The following IL1RAPL1 variants were observed in gnomAD, a reference collection of about 807,000 sequenced individuals.
The protein encoded by IL1RAPL1 is interleukin-1 receptor accessory protein-like 1.
A neutral mutation model predicts 48.4 loss-of-function variants in IL1RAPL1; 3 were observed. That is an observed-to-expected ratio of 0.06 (90% CI 0.03 to 0.16). IL1RAPL1 has a LOEUF of 0.16. Ranked by LOEUF, IL1RAPL1 falls within the 10% of genes least tolerant of loss-of-function variation. The pLI is 1.00. For synonymous variants in IL1RAPL1, 185 were observed against 187.7 expected, an observed-to-expected ratio of 0.99 and a Z score of 0.12; for missense variants, 349 against 530.6, an observed-to-expected ratio of 0.66 and a Z score of 3.36.
At chrX:28,948,691 C>T (rs996099136) in intron 2 of IL1RAPL1, among the ~76,000 whole-genome samples, 15 of 111,446 alleles carry the variant, frequency 1.3e-4, no homozygotes, top group African/African-American at 4.2e-4. Flanking sequence ...GCATTCAACA[C>T]ATGTCTAAAT....
intron 6 of IL1RAPL1, among the ~76,000 whole-genome samples, chrX:29,737,484 C>A (rs1014627493): frequency 1.2e-4 from 13 of 111,903 alleles, no homozygotes. Context: ...GAAGCTAAGT[C>A]TTGCACTAAT....
chrX:29,304,042 G>A (rs759402712), intron 3 of IL1RAPL1, among the ~76,000 whole-genome samples: 2 of 111,603 alleles, frequency 1.8e-5, no homozygotes, highest in Non-Finnish European at 3.8e-5. Context: ...CTCCTCCACC[G>A]GCACACACTT....
intron 5 of IL1RAPL1, among the ~76,000 whole-genome samples, chrX:29,573,330 G>A (rs1441974795): frequency 8.9e-6 from 1 of 112,497 alleles, no homozygotes; most frequent in Non-Finnish European, 1.9e-5. Context: ...AAGGAAAGTA[G>A]GAATACAATT....
Position 29,451,265 on chromosome X carries a change from G to A in IL1RAPL1, c.703+51957G>A, listed in dbSNP as rs1342551320. ...TGCAGAGTGCAGTGGTGCGATCTTGGCTCACTGCAACCTCCACTTCCCAGG... is the reference window on the plus strand; with the variant it reads ...TGCAGAGTGCAGTGGTGCGATCTTGACTCACTGCAACCTCCACTTCCCAGG... On this transcript the variant is annotated intron_variant, in intron 5 of 10. Transcript: ENST00000378993. Among the ~76,000 whole-genome samples the A allele has an allele frequency of 3.7e-5, 4 of 108,364 alleles. No homozygotes were observed. The Admixed American group carries it at 4.0e-4, about 11-fold the overall frequency. The allele number at this position is 108,364 out of a possible 115,157, so 94.1% of individuals were successfully genotyped here.
intron 2 of IL1RAPL1, among the ~76,000 whole-genome samples, chrX:28,934,030 C>T (rs1402499827): frequency 9.0e-6 from 1 of 111,101 alleles, no homozygotes; most frequent in Non-Finnish European, 1.9e-5. Flanking sequence ...AGCTTCTTTA[C>T]TCCATCCTTT....
At chrX:28,683,130 T>A (rs1454340173) in intron 1 of IL1RAPL1, among the ~76,000 whole-genome samples, 6 of 111,771 alleles carry the variant, frequency 5.4e-5, no homozygotes, top group African/African-American at 2.0e-4. Context: ...TCATATTGGA[T>A]TCCTATATAA....
intron 1 of IL1RAPL1, among the ~76,000 whole-genome samples, chrX:28,658,447 C>T (rs1430465986): frequency 9.0e-6 from 1 of 111,541 alleles, no homozygotes; most frequent in African/African-American, 3.3e-5. Flanking sequence ...AAACTCCTGA[C>T]CTCAAATGAT....
intron 5 of IL1RAPL1, among the ~76,000 whole-genome samples, chrX:29,437,219 C>A (rs944588328): frequency 9.1e-6 from 1 of 110,462 alleles, no homozygotes; most frequent in Non-Finnish European, 1.9e-5. Flanking sequence ...TAGATTCAAT[C>A]ATTTGGGTAA....
chrX:28,880,147 C>G (rs1187448655), intron 2 of IL1RAPL1, among the ~76,000 whole-genome samples: 1 of 112,266 alleles, frequency 8.9e-6, no homozygotes, highest in Non-Finnish European at 1.9e-5. Context: ...GTATTTTTGT[C>G]AATGTATGGT....
chrX:28,836,380 GAGAGAGAC>G (rs1485912445), intron 2 of IL1RAPL1, among the ~76,000 whole-genome samples: 3 of 98,285 alleles, frequency 3.1e-5, no homozygotes, highest in East Asian at 3.0e-4. Flanking sequence ...GAGAGAGAGA[GAGAGAGAC>G]AGACAGACAG....
chrX:29,878,937 A>G (rs920084735), intron 6 of IL1RAPL1, among the ~76,000 whole-genome samples: 3 of 111,766 alleles, frequency 2.7e-5, no homozygotes, highest in Non-Finnish European at 5.7e-5. Flanking sequence ...GCTCACACAA[A>G]AACCTGCACA....
rs73547816 is a variant in IL1RAPL1, at chrX:28,665,374, C to T, written c.-25+77327C>T. Among the ~76,000 whole-genome samples the T allele has an allele frequency of 9.7e-3, 1,091 of 112,088 alleles. 12 individuals carry two copies. Among genetic ancestry groups the T allele is most frequent in the African/African-American group, 0.033 (1,033 of 30,876 alleles). ...AAGTGTAAGTATGTCCCAAATATTACATGAAATATATTTATATTAAAATAA... is the reference window on the plus strand; with the variant it reads ...AAGTGTAAGTATGTCCCAAATATTATATGAAATATATTTATATTAAAATAA... On this transcript the variant is annotated intron_variant, in intron 1 of 10. Transcript: ENST00000378993.
At position 28,627,862 on chromosome X, in the gene IL1RAPL1, C is replaced by CT. The variant is rs764666016; in HGVS notation, c.-25+39826dup. Among the ~76,000 whole-genome samples the CT allele has an allele frequency of 4.4e-3, 464 of 104,966 alleles. 2 individuals are homozygous for CT. Among genetic ancestry groups the CT allele is most frequent in the African/African-American group, 6.5e-3 (189 of 29,122 alleles). The allele number at this position is 104,966 out of a possible 115,157, so 91.2% of individuals were successfully genotyped here. A position where few individuals can be genotyped will look rare whatever the true frequency, so the allele number is the denominator to read the frequency against. On this transcript the variant is annotated intron_variant, in intron 1 of 10. Transcript: ENST00000378993. Reference sequence around the variant, plus strand: ...TTTATTGGGTCACATCATTTTCTTTCTTTTTTTTTTTGACATCATTTTCTT... The same window carrying CT: ...TTTATTGGGTCACATCATTTTCTTTCTTTTTTTTTTTTGACATCATTTTCTT...
chrX:29,795,262 A>T (rs1176482363), intron 6 of IL1RAPL1, among the ~76,000 whole-genome samples: 1 of 111,770 alleles, frequency 8.9e-6, no homozygotes, highest in Non-Finnish European at 1.9e-5. Flanking sequence ...CTCTATACAC[A>T]TATCATTGTA....
chrX:29,802,031 G>C lies in IL1RAPL1; in HGVS notation c.779-115433G>C, dbSNP rs1047286222. Among the ~76,000 whole-genome samples the C allele has an allele frequency of 2.7e-5, 3 of 112,174 alleles. No individual in the cohort carries two copies. The Admixed American group carries it at 2.8e-4, about 11-fold the overall frequency. ...GTTTTAAACACTTAAATATTCACGA[G>C]TAATATTTGGGAACTTTAAGAATAG... On this transcript the variant is annotated intron_variant, in intron 6 of 10. Transcript: ENST00000378993.
At chrX:29,868,507 C>G (rs1017417699) in intron 6 of IL1RAPL1, among the ~76,000 whole-genome samples, 3 of 111,861 alleles carry the variant, frequency 2.7e-5, no homozygotes, top group African/African-American at 9.8e-5. Context: ...CTGGCTAGGC[C>G]CCCTGCTCTA....
chrX:28,768,194 C>A (rs760616642), intron 1 of IL1RAPL1, among the ~76,000 whole-genome samples: 9 of 111,482 alleles, frequency 8.1e-5, no homozygotes, highest in Non-Finnish European at 1.7e-4. Flanking sequence ...TAACTACAGG[C>A]CTAGTTCAAC....
intron 1 of IL1RAPL1, among the ~76,000 whole-genome samples, chrX:28,743,274 G>A (rs764809352): frequency 3.6e-5 from 4 of 111,241 alleles, no homozygotes; most frequent in East Asian, 2.8e-4. Flanking sequence ...TTATCACCTC[G>A]TATTTTTAAA....
chrX:28,971,908 G>A (rs937234532), intron 2 of IL1RAPL1, among the ~76,000 whole-genome samples: 1 of 108,460 alleles, frequency 9.2e-6, no homozygotes, highest in Non-Finnish European at 1.9e-5. Flanking sequence ...GTGTGTGTGT[G>A]TGTGTGTGTA....
Sources: gnomAD v4.1 joint callset for allele counts (sites outside exome capture counted in the v4.1 genomes callset) on GRCh38, gnomAD v4.1.1 for gene constraint, MANE v1.5 for transcripts, NCBI Gene and HGNC (gene_info 2026-07-23, HGNC 2026-07-21) for gene names.